SLC44A5: variants seen among roughly 807,000 people sequenced by gnomAD.
SLC44A5 encodes the protein solute carrier family 44 member 5, also known as choline transporter-like protein 5.
Under a neutral mutation model 101.8 loss-of-function variants are expected in SLC44A5, and 57 were observed. The ratio of observed to expected loss-of-function variants is 0.56; its 90% CI spans 0.45 to 0.70. SLC44A5 has a LOEUF of 0.70. Ranked by LOEUF, SLC44A5 falls within the 30% of genes least tolerant of loss-of-function variation. The pLI, the probability that SLC44A5 is intolerant of heterozygous loss-of-function variation, is 0.00. For synonymous variants in SLC44A5, 281 were observed against 290.9 expected (o/e 0.97, Z 0.35); for missense variants, 737 against 853.1 (o/e 0.86, Z 1.70).
intron 2 of SLC44A5, among the ~76,000 whole-genome samples, chr1:75,479,622 C>A (rs1163342561): frequency 5.9e-5 from 9 of 152,238 alleles, no homozygotes; most frequent in African/African-American, 1.9e-4. Context: ...ACTACAAACA[C>A]CTCTACGCAA....
intron 2 of SLC44A5, among the ~76,000 whole-genome samples, chr1:75,524,428 T>C (rs1431911067): frequency 6.6e-6 from 1 of 152,164 alleles, no homozygotes; most frequent in African/African-American, 2.4e-5. Flanking sequence ...TTCACCCTCA[T>C]GAATGCACCC....
At chr1:75,623,923 T>C in the SLC44A5 span, among the ~76,000 whole-genome samples, 2 of 152,128 alleles carry the variant, frequency 1.3e-5, no homozygotes, top group African/African-American at 2.4e-5. Flanking sequence ...ATGTACTCCA[T>C]AGCCATGAGC....
intron 2 of SLC44A5, among the ~76,000 whole-genome samples, chr1:75,507,383 T>C (rs572879988): frequency 6.6e-6 from 1 of 152,310 alleles, no homozygotes; most frequent in Non-Finnish European, 1.5e-5. Context: ...TGACCTTGCA[T>C]CCCAGGAATG....
intron 3 of SLC44A5, among the ~76,000 whole-genome samples, chr1:75,349,486 A>G (rs2101063595): frequency 6.6e-6 from 1 of 152,350 alleles, no homozygotes; most frequent in African/African-American, 2.4e-5. Flanking sequence ...CAAAATAGCC[A>G]CCAACATAGA....
At chr1:75,696,261 CAT>C in the SLC44A5 span, among the ~76,000 whole-genome samples, 4 of 152,136 alleles carry the variant, frequency 2.6e-5, no homozygotes, top group South Asian at 6.2e-4. Flanking sequence ...CCAAAGGTGA[CAT>C]GTGTCACTTC....
Position 75,203,598 on chromosome 1 carries a change from G to A in SLC44A5, c.*129C>T, listed in dbSNP as rs1175832487. The A allele has an allele frequency of 1.8e-6, 2 of 1,125,846 alleles. No homozygotes were observed. Among genetic ancestry groups the A allele is most frequent in the Non-Finnish European group, 2.4e-6 (2 of 822,576 alleles). The allele number at this position is 1,125,846 out of a possible 1,614,324, so 69.7% of individuals were successfully genotyped here. A position where few individuals can be genotyped will look rare whatever the true frequency, so the allele number is the denominator to read the frequency against. ...CAGTATAAGCTTTGGTATAAAACAT[G>A]CAAATGCAAGCCAACAAGGTCGTGA... On this transcript the variant is annotated 3_prime_UTR_variant, in exon 24 of 24. Coordinates refer to ENST00000370859, the MANE Select transcript of SLC44A5 (RefSeq NM_001130058.2).
At chr1:75,621,985 T>A in the SLC44A5 span, among the ~76,000 whole-genome samples, 1 of 152,090 alleles carries the variant, frequency 6.6e-6, no homozygotes, top group Admixed American at 6.6e-5. Flanking sequence ...TAAATAACAC[T>A]TCTTCCCTTT....
the SLC44A5 span, among the ~76,000 whole-genome samples, chr1:75,671,995 C>T: frequency 6.6e-6 from 1 of 152,152 alleles, no homozygotes; most frequent in African/African-American, 2.4e-5. Context: ...ACATGGCCTT[C>T]TAGAAACCTC....
At chr1:75,353,555 T>C (rs1658844211) in intron 3 of SLC44A5, among the ~76,000 whole-genome samples, 1 of 152,160 alleles carries the variant, frequency 6.6e-6, no homozygotes, top group Admixed American at 6.5e-5. Flanking sequence ...ATAATGAAAT[T>C]TATCTTAGAG....
intron 2 of SLC44A5, among the ~76,000 whole-genome samples, chr1:75,419,520 A>AC (rs1663874049): frequency 6.6e-6 from 1 of 151,812 alleles, no homozygotes; most frequent in African/African-American, 2.4e-5. Flanking sequence ...GGAAAAAAAA[A>AC]CTTTCAAAAA....
chr1:75,637,794 T>A, the SLC44A5 span, among the ~76,000 whole-genome samples: 14 of 151,924 alleles, frequency 9.2e-5, no homozygotes, highest in Non-Finnish European at 1.3e-4. Flanking sequence ...AAATATTTTA[T>A]TGGGAAAATT....
chr1:75,374,634 C>A (rs1045661902), intron 3 of SLC44A5, among the ~76,000 whole-genome samples: 1 of 152,162 alleles, frequency 6.6e-6, no homozygotes. Flanking sequence ...AGCCTATCTG[C>A]CAGCCCTGAC....
the SLC44A5 span, among the ~76,000 whole-genome samples, chr1:75,675,434 A>C: frequency 6.6e-6 from 1 of 152,208 alleles, no homozygotes; most frequent in East Asian, 1.9e-4. Flanking sequence ...GGTATATAGG[A>C]ATGCTTAAGC....
intron 2 of SLC44A5, among the ~76,000 whole-genome samples, chr1:75,499,410 C>G (rs1036153006): frequency 2.6e-5 from 4 of 152,204 alleles, no homozygotes; most frequent in African/African-American, 7.2e-5. Context: ...GGAGGCAGAA[C>G]TCAGGCAGTA....
chr1:75,330,106 TACACAC>T (rs59962302), intron 4 of SLC44A5, among the ~76,000 whole-genome samples: 2,075 of 128,548 alleles, frequency 0.016, 53 homozygotes, highest in African/African-American at 0.054. Context: ...TATATATATA[TACACAC>T]ACACACACAC....
At position 75,355,802 on chromosome 1, in the gene SLC44A5, C is replaced by A. The variant is rs541865828; in HGVS notation, c.53-16172G>T. 5.3e-5 allele frequency among the ~76,000 whole-genome samples: 8 copies of A among 152,110 alleles called. No individual in the cohort carries two copies. The South Asian group carries it at 1.7e-3, about 32-fold the overall frequency. ...TCACACATACAATTATTTACAGCCA[C>A]GATACTTGATGATAATAAATGACTA... On this transcript the variant is annotated intron_variant, in intron 3 of 23. Transcript: ENST00000370859.
chr1:75,236,199 G>A (rs189655521), intron 11 of SLC44A5, among the ~76,000 whole-genome samples: 1 of 152,110 alleles, frequency 6.6e-6, no homozygotes, highest in East Asian at 1.9e-4. Context: ...AAACTTGGGT[G>A]GAGATGAATC....
At chr1:75,679,589 C>A in the SLC44A5 span, among the ~76,000 whole-genome samples, 1 of 150,636 alleles carries the variant, frequency 6.6e-6, no homozygotes, top group Non-Finnish European at 1.5e-5. Context: ...ACCAGGCCTG[C>A]CCTAAAAGAG....
At chr1:75,266,014 C>T (rs762951485) in intron 6 of SLC44A5, among the ~76,000 whole-genome samples, 2 of 152,106 alleles carry the variant, frequency 1.3e-5, no homozygotes, top group East Asian at 1.9e-4. Flanking sequence ...CAAAGCACTC[C>T]GTTTTCCTTT....
Sources: gnomAD v4.1 joint callset for allele counts (sites outside exome capture counted in the v4.1 genomes callset) on GRCh38, gnomAD v4.1.1 for gene constraint, MANE v1.5 for transcripts, NCBI Gene and HGNC (gene_info 2026-07-23, HGNC 2026-07-21) for gene names.